The following UNC5B variants were observed in gnomAD, a reference collection of about 807,000 sequenced individuals.
The protein encoded by UNC5B is unc-5 netrin receptor B.
A neutral mutation model predicts 103.7 loss-of-function variants in UNC5B; 56 were observed. The ratio of observed to expected loss-of-function variants is 0.54; its 90% confidence interval spans 0.44 to 0.67. The LOEUF is 0.67. Among genes scored for constraint, UNC5B ranks in the 30% least tolerant of loss-of-function variants. The pLI, the probability that UNC5B is intolerant of heterozygous loss-of-function variation, is 0.00. For missense variants in UNC5B, 1,194 were observed against 1,284.5 expected, an observed-to-expected ratio of 0.93 and a Z score of 1.08; for synonymous variants, 577 against 542.0, an observed-to-expected ratio of 1.06 and a Z score of -0.90.
At chr10:71,279,244 A>C (rs1402334722) in intron 1 of UNC5B, among the ~76,000 whole-genome samples, 4 of 152,180 alleles carry the variant, frequency 2.6e-5, no homozygotes, top group African/African-American at 9.7e-5. Context: ...GGAGACCTGC[A>C]GGGGGCTGAG....
chr10:71,283,337 G>A (rs191871241), intron 2 of UNC5B, among the ~76,000 whole-genome samples: 1 of 152,368 alleles, frequency 6.6e-6, no homozygotes, highest in African/African-American at 2.4e-5. Context: ...GCTGGGCGCT[G>A]TGGCGGAGTA....
At chr10:71,283,386 C>G (rs1031083418) in intron 2 of UNC5B, among the ~76,000 whole-genome samples, 6 of 152,184 alleles carry the variant, frequency 3.9e-5, no homozygotes, top group African/African-American at 1.4e-4. Context: ...TGAGAGTTTA[C>G]TATGATGAGG....
chr10:71,285,208 A>T lies in UNC5B; in HGVS notation c.449-118A>T, dbSNP rs1845040379. 5 of 1,070,128 alleles carry T rather than the reference A, an allele frequency of 4.7e-6. No individual in the cohort carries two copies. The East Asian group carries it at 1.3e-4, about 28-fold the overall frequency. The allele number at this position is 1,070,128 out of a possible 1,614,324, so 66.3% of individuals were successfully genotyped here. On this transcript the variant is annotated intron_variant, in intron 3 of 16. Transcript: ENST00000335350. The stretch of plus-strand genomic sequence containing the variant: ...AGAGGAAATTTCCCAGGCAAAGGCC[A>T]GGTGGGCCCATCAACAGTACCCTGG...
In UNC5B at chr10:71,290,956, G is replaced by C; in HGVS notation, c.1141G>C (p.Val381Leu). The C allele has an allele frequency of 6.2e-7, 1 of 1,613,952 alleles. No individual in the cohort carries two copies. The highest frequency in any genetic ancestry group is 8.5e-7 in the Non-Finnish European group (1 of 1,180,026). ...SGDAALYAGLVVAIFVVVAIL... is the reference protein window; with the variant it reads ...SGDAALYAGLLVAIFVVVAIL... ...GGATGCGGCGCTGTATGCGGGGCTC[G>C]TGGTGGCCATCTTCGTGGTCGTGGC... is the stretch of plus-strand genomic sequence containing the variant. The change falls in exon 9 of 17, where the codon GTG becomes CTG. Residue 381 changes from valine (V) to leucine (L), a missense_variant. Coordinates refer to ENST00000335350, the MANE Select transcript of UNC5B (RefSeq NM_170744.5).
chr10:71,261,526 C>T (rs1003813544), intron 1 of UNC5B, among the ~76,000 whole-genome samples: 2 of 152,246 alleles, frequency 1.3e-5, no homozygotes, highest in South Asian at 4.1e-4. Context: ...CCTGAGACGT[C>T]AGTGGAAATC....
intron 1 of UNC5B, among the ~76,000 whole-genome samples, chr10:71,231,410 C>T (rs1843680802): frequency 1.3e-5 from 2 of 152,232 alleles, no homozygotes; most frequent in Non-Finnish European, 1.5e-5. Flanking sequence ...AATGGCCCCT[C>T]CCCAGAGAGT....
chr10:71,270,774 C>T (rs1363860758), intron 1 of UNC5B, among the ~76,000 whole-genome samples: 1 of 152,132 alleles, frequency 6.6e-6, no homozygotes, highest in Non-Finnish European at 1.5e-5. Flanking sequence ...GGGTGCTTGG[C>T]GGAGTCTAAG....
intron 1 of UNC5B, among the ~76,000 whole-genome samples, chr10:71,261,690 T>C (rs1844419366): frequency 6.6e-6 from 1 of 152,078 alleles, no homozygotes; most frequent in Non-Finnish European, 1.5e-5. Flanking sequence ...CAAGATGGAG[T>C]GTACCTACAC....
chr10:71,297,778 A>C, intron 15 of UNC5B, 131 bp from the exon 16 acceptor site: 1 of 1,043,440 alleles, frequency 9.6e-7, no homozygotes, highest in Non-Finnish European at 1.4e-6. Context: ...CCCCTGCCTG[A>C]ACAGTGGGAG....
intron 1 of UNC5B, among the ~76,000 whole-genome samples, chr10:71,219,784 T>C (rs932971252): frequency 7.9e-5 from 12 of 152,218 alleles, no homozygotes; most frequent in African/African-American, 2.9e-4. Flanking sequence ...TTCAGAGCAT[T>C]GCAGATGCCA....
chr10:71,223,009 CAG>C (rs1407062767), intron 1 of UNC5B, among the ~76,000 whole-genome samples: 2 of 152,366 alleles, frequency 1.3e-5, no homozygotes, highest in Admixed American at 1.3e-4. Context: ...CACAGCAGAG[CAG>C]AGTGACATTC....
chr10:71,264,429 C>T (rs1034344619), intron 1 of UNC5B, among the ~76,000 whole-genome samples: 1 of 152,156 alleles, frequency 6.6e-6, no homozygotes, highest in African/African-American at 2.4e-5. Flanking sequence ...CCCAGAGAGG[C>T]GAATTTGCAG....
Position 71,291,094 on chromosome 10 carries a change from A to T in UNC5B, c.1279A>T (p.Lys427Ter). Residue 427 changes from lysine to a stop codon, truncating the protein, a stop_gained, in exon 9 of 17, where the codon AAG becomes TAG. Transcript: ENST00000335350. LOFTEE classifies it high-confidence loss of function. ...LTGGFHPVNFKTARPSNPQLL... is the reference protein window; with the variant it reads ...LTGGFHPVNF ...TGGTGGTTTCCACCCCGTCAACTTT[A>T]AGACGGCAAGGCCCAGTAAGAACCC... 6.2e-7 allele frequency: 1 copy of T among 1,613,594 alleles called. No homozygotes were observed.
At chr10:71,273,309 C>T (rs891452893) in intron 1 of UNC5B, among the ~76,000 whole-genome samples, 1 of 152,260 alleles carries the variant, frequency 6.6e-6, no homozygotes, top group African/African-American at 2.4e-5. Flanking sequence ...GAAACTGAGG[C>T]TCTGAGAGGT....
chr10:71,220,468 C>T (rs562570430), intron 1 of UNC5B, among the ~76,000 whole-genome samples: 1 of 152,276 alleles, frequency 6.6e-6, no homozygotes, highest in South Asian at 2.1e-4. Flanking sequence ...TTTCCACACA[C>T]ACCTCTCCCC....
chr10:71,243,632 G>T (rs111742271), intron 1 of UNC5B, among the ~76,000 whole-genome samples: 1 of 152,128 alleles, frequency 6.6e-6, no homozygotes, highest in Non-Finnish European at 1.5e-5. Flanking sequence ...CCTGTTCCCC[G>T]GGGGGCTTGG....
chr10:71,243,297 G>A (rs1462549169), intron 1 of UNC5B, among the ~76,000 whole-genome samples: 1 of 152,016 alleles, frequency 6.6e-6, no homozygotes, highest in African/African-American at 2.4e-5. Context: ...AAGAGCCTGG[G>A]CTTCAGATCA....
chr10:71,257,441 C>A (rs1844316730), intron 1 of UNC5B, among the ~76,000 whole-genome samples: 1 of 152,252 alleles, frequency 6.6e-6, no homozygotes, highest in Non-Finnish European at 1.5e-5. Flanking sequence ...CCCTCCAGGC[C>A]CACCCAGGCG....
chr10:71,253,924 G>C (rs1589167903), intron 1 of UNC5B, among the ~76,000 whole-genome samples: 1 of 152,158 alleles, frequency 6.6e-6, no homozygotes, highest in Non-Finnish European at 1.5e-5. Flanking sequence ...CCCCCTTCTG[G>C]TTCCAGGCGT....
Sources: gnomAD v4.1 joint callset for allele counts (sites outside exome capture counted in the v4.1 genomes callset) on GRCh38, gnomAD v4.1.1 for gene constraint, MANE v1.5 for transcripts, NCBI Gene and HGNC (gene_info 2026-07-23, HGNC 2026-07-21) for gene names.